C1orf146: variants seen among roughly 807,000 people sequenced by gnomAD.
The protein encoded by C1orf146 is chromosome 1 open reading frame 146.
Under a neutral mutation model 23.0 loss-of-function variants are expected in C1orf146, and 22 were observed. The observed-to-expected ratio is 0.96, with a 90% CI of 0.68 to 1.36. The LOEUF (loss-of-function observed/expected upper bound fraction) is 1.36, where lower values mean the gene tolerates loss of function less well. Among genes scored for constraint, C1orf146 ranks in the 40% most tolerant of loss-of-function variants. The probability of loss-of-function intolerance (pLI) is 0.00; values close to 1 mark genes in which losing one functional copy is unlikely to be tolerated. For synonymous variants in C1orf146, 59 were observed against 65.3 expected, an observed-to-expected ratio of 0.90 and a Z score of 0.47; for missense variants, 199 against 206.8, an observed-to-expected ratio of 0.96 and a Z score of 0.23.
intron 1 of C1orf146, among the ~76,000 whole-genome samples, chr1:92,225,138 G>A (rs1651937661): frequency 6.8e-6 from 1 of 147,474 alleles, no homozygotes; most frequent in Non-Finnish European, 1.5e-5. Context: ...TCTTGAGACA[G>A]GGTCTCACTC....
chr1:92,229,054 C>T, intron 1 of C1orf146: 1 of 490,034 alleles, frequency 2.0e-6, no homozygotes, highest in South Asian at 1.7e-5. Flanking sequence ...CCCAACTTGT[C>T]ATACTCCTGC....
At chr1:92,229,028 G>A in intron 1 of C1orf146, 2 of 478,842 alleles carry the variant, frequency 4.2e-6, no homozygotes, top group South Asian at 3.5e-5. Flanking sequence ...AGCATTTGTG[G>A]TGAACAGTGG....
rs1182295176 is a variant in C1orf146 at position 92,242,318 on chromosome 1, T to A, written c.160+13T>A. ...TTTTCTCTTTCTGGTATGGTATATT[T>A]GCTCACTGCCTTAAGTTTCTTATGA... On this transcript the variant is annotated intron_variant, in intron 3 of 5. Transcript: ENST00000370375. 8 of 1,361,068 alleles carry A rather than the reference T, an allele frequency of 5.9e-6. No homozygotes were observed. Among genetic ancestry groups the A allele is most frequent in the Non-Finnish European group, 8.3e-6 (8 of 965,306 alleles). The allele number at this position is 1,361,068 out of a possible 1,614,324, so 84.3% of individuals were successfully genotyped here. A position where few individuals can be genotyped will look rare whatever the true frequency, so the allele number is the denominator to read the frequency against.
chr1:92,242,740 A>G (rs1557492290), intron 3 of C1orf146, among the ~76,000 whole-genome samples: 1 of 152,240 alleles, frequency 6.6e-6, no homozygotes, highest in Non-Finnish European at 1.5e-5. Flanking sequence ...GGACAAATAA[A>G]TGTTCATGAA....
At chr1:92,219,732 G>A (rs1651775334) in intron 1 of C1orf146, among the ~76,000 whole-genome samples, 1 of 151,904 alleles carries the variant, frequency 6.6e-6, no homozygotes, top group Non-Finnish European at 1.5e-5. Flanking sequence ...ATAATGCACT[G>A]CAGCCTCAAA....
At chr1:92,230,688 G>A (rs1652098497) in intron 1 of C1orf146, among the ~76,000 whole-genome samples, 1 of 152,048 alleles carries the variant, frequency 6.6e-6, no homozygotes, top group African/African-American at 2.4e-5. Flanking sequence ...GCTGAGGCAG[G>A]AGGATTGCTT....
At chr1:92,242,345 A>G (rs1652452156) in intron 3 of C1orf146, 40 bp downstream of exon 3, 1 of 1,060,768 alleles carries the variant, frequency 9.4e-7, no homozygotes, top group African/African-American at 1.6e-5. Flanking sequence ...TTCTTATGAA[A>G]TATGTTGGTA....
chr1:92,222,388 A>G (rs1238649428), intron 1 of C1orf146, among the ~76,000 whole-genome samples: 2 of 111,142 alleles, frequency 1.8e-5, no homozygotes, highest in Non-Finnish European at 3.7e-5. Context: ...TATAACATGC[A>G]TGTATAACAT....
At chr1:92,240,887 TATG>T in intron 2 of C1orf146, 1 of 461,492 alleles carries the variant, frequency 2.2e-6, no homozygotes, top group South Asian at 1.6e-5. Flanking sequence ...TTGTGGGTAA[TATG>T]ATTTAATTGC....
chr1:92,231,031 CTG>C (rs1339764045), intron 1 of C1orf146, among the ~76,000 whole-genome samples: 4 of 152,182 alleles, frequency 2.6e-5, no homozygotes, highest in South Asian at 2.1e-4. Context: ...GAGTGAAAAA[CTG>C]TCCTTTGTCT....
chr1:92,236,315 A>G (rs920971791), intron 2 of C1orf146, among the ~76,000 whole-genome samples: 3 of 149,478 alleles, frequency 2.0e-5, no homozygotes, highest in African/African-American at 7.4e-5. Context: ...TGGTGACAAA[A>G]TCTCTCAGCA....
intron 2 of C1orf146, among the ~76,000 whole-genome samples, chr1:92,232,308 G>A (rs966368439): frequency 3.1e-5 from 4 of 130,672 alleles, no homozygotes; most frequent in African/African-American, 6.0e-5. Context: ...CCCTTCCTGC[G>A]TCCATGTGTT....
chr1:92,234,027 T>G (rs1652205929), intron 2 of C1orf146, among the ~76,000 whole-genome samples: 1 of 152,222 alleles, frequency 6.6e-6, no homozygotes, highest in South Asian at 2.1e-4. Context: ...CGATGGGGTT[T>G]TCTAGATACA....
At chr1:92,233,131 A>G (rs1652176360) in intron 2 of C1orf146, among the ~76,000 whole-genome samples, 1 of 152,042 alleles carries the variant, frequency 6.6e-6, no homozygotes, top group Non-Finnish European at 1.5e-5. Context: ...CCATTTGTCA[A>G]TTTTGGCTTT....
At chr1:92,229,980 C>T (rs1025717450) in intron 1 of C1orf146, among the ~76,000 whole-genome samples, 1 of 152,102 alleles carries the variant, frequency 6.6e-6, no homozygotes, top group Admixed American at 6.5e-5. Flanking sequence ...TTCTTCTCAC[C>T]TCATACGTAT....
intron 1 of C1orf146, among the ~76,000 whole-genome samples, chr1:92,219,498 T>TA (rs1651767781): frequency 8.1e-6 from 1 of 124,056 alleles, no homozygotes; most frequent in Non-Finnish European, 1.6e-5. Flanking sequence ...TTCTCTTTCT[T>TA]TTTTTTTTTT....
intron 1 of C1orf146, among the ~76,000 whole-genome samples, chr1:92,219,779 C>A (rs955295230): frequency 7.9e-5 from 12 of 152,040 alleles, no homozygotes; most frequent in Non-Finnish European, 1.5e-4. Context: ...TTCAGTCTCC[C>A]GAGTAGCTTG....
chr1:92,224,902 C>G lies in C1orf146; in HGVS notation c.-39-6480C>G, dbSNP rs996427559. On this transcript the variant is annotated intron_variant, in intron 1 of 5. Coordinates refer to ENST00000370375, the MANE Select transcript of C1orf146 (RefSeq NM_001012425.2). ...GGACTACAGGCGCGTGCCACCACGC[C>G]CAGCTGATTTTTGTAGTTTTAGTGG... Among the ~76,000 whole-genome samples, 3 of 151,852 alleles carry G rather than the reference C, an allele frequency of 2.0e-5. 1 individual carries two copies. In the South Asian group the frequency reaches 6.2e-4, roughly 32 times the overall value.
intron 1 of C1orf146, among the ~76,000 whole-genome samples, 184 bp downstream of exon 1, chr1:92,218,232 G>A (rs1371585426): frequency 1.3e-5 from 2 of 152,168 alleles, no homozygotes; most frequent in Admixed American, 1.3e-4. Context: ...GGTGTGGAAA[G>A]GGCTCCCTCG....
Sources: allele counts gnomAD v4.1 joint callset (sites outside exome capture counted in the v4.1 genomes callset), GRCh38; gene constraint gnomAD v4.1.1; transcripts MANE v1.5; gene names NCBI Gene and HGNC (gene_info 2026-07-23, HGNC 2026-07-21).